TOP2A: variants seen among roughly 807,000 people sequenced by gnomAD.
The protein encoded by TOP2A is DNA topoisomerase II alpha.
A neutral mutation model predicts 187.2 loss-of-function variants in TOP2A; 68 were observed. That is an observed-to-expected ratio of 0.36 (90% confidence interval 0.30 to 0.44). TOP2A has a LOEUF of 0.44. Among genes scored for constraint, TOP2A ranks in the 20% least tolerant of loss-of-function variants. TOP2A has a pLI of 1.00. For synonymous variants in TOP2A, 542 were observed against 593.2 expected (o/e 0.91, Z 1.25); for missense variants, 1,196 against 1,808.7 (o/e 0.66, Z 6.14).
intron 20 of TOP2A, among the ~76,000 whole-genome samples, chr17:40,402,154 T>C (rs1322052833): frequency 6.6e-6 from 1 of 152,136 alleles, no homozygotes; most frequent in Non-Finnish European, 1.5e-5. Context: ...GTGACAAGGT[T>C]TTTAGCCTGA....
intron 29 of TOP2A, 142 bp downstream of exon 29, chr17:40,395,307 G>C (rs959776483): frequency 3.0e-6 from 1 of 333,450 alleles, no homozygotes; most frequent in Non-Finnish European, 5.4e-6. Context: ...AAAAAAAAGA[G>C]GTCCAAGTAG....
At chr17:40,417,658 C>T in intron 1 of TOP2A, 113 bp downstream of exon 1, 1 of 1,562,530 alleles carries the variant, frequency 6.4e-7, no homozygotes, top group Non-Finnish European at 8.7e-7. Flanking sequence ...ATATGGGCTC[C>T]CAAGCCGGTC....
intron 11 of TOP2A, 136 bp downstream of exon 11, chr17:40,408,356 G>A (rs1231128864): frequency 4.0e-6 from 4 of 988,048 alleles, no homozygotes; most frequent in Non-Finnish European, 5.7e-6. Context: ...AATAGGAAAC[G>A]GGCCGATTTT....
chr17:40,401,792 C>T (rs1324700141), intron 20 of TOP2A, among the ~76,000 whole-genome samples: 1 of 151,336 alleles, frequency 6.6e-6, no homozygotes, highest in Non-Finnish European at 1.5e-5. Context: ...GGCAAAGGAA[C>T]CAGTAAGTAA....
chr17:40,411,646 T>G lies in TOP2A; in HGVS notation c.962A>C (p.Lys321Thr). The G allele has an allele frequency of 6.2e-7, 1 of 1,606,862 alleles. No homozygotes were observed. Among genetic ancestry groups the G allele is most frequent in the South Asian group, 1.1e-5 (1 of 89,422 alleles). ...TTAATAATTTAAGAATAAAATTACC[T>G]TGGATGTAGCAATGCTGTTGACAAA... is the stretch of plus-strand genomic sequence containing the variant. ...ISFVNSIATS[K>T]GGRHVDYVAD... The change falls in exon 8 of 35, where the codon AAG becomes ACG. Residue 321 changes from lysine (K) to threonine (T), a missense_variant and splice_region_variant. Transcript: ENST00000423485. This position sits in a 1 kb window ranked among gnomAD's most constrained non-coding sequence, Gnocchi z 4.4.
chr17:40,409,330 C>G (rs188309576), intron 10 of TOP2A: 233 of 387,524 alleles, frequency 6.0e-4, no homozygotes, highest in Non-Finnish European at 2.8e-4. Context: ...GAACTGAGAT[C>G]AAGCCACGGC....
In TOP2A at chr17:40,398,891, G is replaced by T. The variant is rs745697328; in HGVS notation, c.3335C>A (p.Thr1112Asn). Residue 1112 changes from threonine (T) to asparagine (N), a missense_variant, in exon 26 of 35, where the codon ACT becomes AAT. This residue lies in a region of TOP2A where 232 missense variants were observed against 306.1 expected (regional missense o/e 0.76). Coordinates refer to ENST00000423485, the MANE Select transcript of TOP2A (RefSeq NM_001067.4). The stretch of plus-strand genomic sequence containing the variant: ...ATCTGTTACGGAGTCACTCTTTTCA[G>T]TTTCCTTTTCGTTGTCACTCTCTTC... ...ENEESDNEKE[T>N]EKSDSVTDSG... The T allele has an allele frequency of 1.2e-6, 2 of 1,613,008 alleles. No homozygotes were observed. Among genetic ancestry groups the T allele is most frequent in the African/African-American group, 2.7e-5 (2 of 74,856 alleles).
chr17:40,400,492 G>T (rs1031508267), intron 22 of TOP2A, 37 bp downstream of exon 22: 1 of 1,600,466 alleles, frequency 6.2e-7, no homozygotes, highest in Non-Finnish European at 8.5e-7. Flanking sequence ...TATTTCTTTT[G>T]ATCACAAACC....
rs61732513 is a variant in TOP2A, at chr17:40,400,650, T to C, written c.2678A>G (p.Lys893Arg). Residue 893 changes from lysine to arginine, a missense_variant, in exon 22 of 35, where the codon AAG (lysine) becomes AGG (arginine). By Grantham distance (26) the Lys-to-Arg change is conservative. Transcript: ENST00000423485. ...TTCTTCAATAGTACCCTTGAAGTTC[T>C]TGTAACTTGGAAGCTAAATTGGCAT... ...EEPLPMLPSYKNFKGTIEELA... is the reference protein window; with the variant it reads ...EEPLPMLPSYRNFKGTIEELA... 747 of 1,592,666 alleles carry C rather than the reference T, an allele frequency of 4.7e-4. 3 individuals are homozygous for C. In the African/African-American group the frequency reaches 9.5e-3, roughly 20 times the overall value.
rs1196046247 is a variant in TOP2A, at chr17:40,389,442, A to C, written c.*77T>G. The C allele has an allele frequency of 6.7e-7, 1 of 1,486,996 alleles. No individual in the cohort carries two copies. Among genetic ancestry groups the C allele is most frequent in the Non-Finnish European group, 9.0e-7 (1 of 1,107,584 alleles). The allele number at this position is 1,486,996 out of a possible 1,614,324, so 92.1% of individuals were successfully genotyped here. ...CCCCAAACTAAATTCAGAGGGGAGGAAGTTAAGAGCTTCAGGTAACTTTAA... is the reference window on the plus strand; with the variant it reads ...CCCCAAACTAAATTCAGAGGGGAGGCAGTTAAGAGCTTCAGGTAACTTTAA... On this transcript the variant is annotated 3_prime_UTR_variant, in exon 35 of 35. Transcript: ENST00000423485.
chr17:40,408,337 A>G (rs28362320), intron 11 of TOP2A, among the ~76,000 whole-genome samples, 155 bp downstream of exon 11: 5,667 of 152,282 alleles, frequency 0.037, 170 homozygotes, highest in African/African-American at 0.077. Context: ...AATGACCTAA[A>G]TCTTCCATAA....
In TOP2A at chr17:40,388,682, T is replaced by C. The variant is rs2034987650; in HGVS notation, c.*837A>G. 5.3e-6 allele frequency: 1 copy of C among 187,296 alleles called. No homozygotes were observed. The highest frequency in any genetic ancestry group is 1.1e-5 in the Non-Finnish European group (1 of 88,764). The allele number at this position is 187,296 out of a possible 1,614,324, so 11.6% of individuals were successfully genotyped here. ...TAACAAAGTTTACAAATTGAAATTA[T>C]GGAGATTTCCCAAAATGAATCTAAT... On this transcript the variant is annotated 3_prime_UTR_variant, in exon 35 of 35. Coordinates refer to ENST00000423485, the MANE Select transcript of TOP2A (RefSeq NM_001067.4).
At chr17:40,394,476 G>C (rs1356561424) in intron 29 of TOP2A, among the ~76,000 whole-genome samples, 1 of 152,144 alleles carries the variant, frequency 6.6e-6, no homozygotes, top group African/African-American at 2.4e-5. Context: ...GGGACTACAG[G>C]CACGCACCAC....
Position 40,398,540 on chromosome 17 carries a change from G to A in TOP2A, c.3537+18C>T, listed in dbSNP as rs374086319. ...TTCATTAATAAAAATTCTAACATGG[G>A]CATTATAAACTACATACCTCCAATT... On this transcript the variant is annotated intron_variant, in intron 27 of 34. Coordinates refer to ENST00000423485, the MANE Select transcript of TOP2A (RefSeq NM_001067.4). 6.5e-7 allele frequency: 1 copy of A among 1,541,066 alleles called. No individual in the cohort carries two copies. The highest frequency in any genetic ancestry group is 2.4e-5 in the East Asian group (1 of 42,184).
intron 3 of TOP2A, 77 bp from the exon 4 acceptor site, chr17:40,416,145 A>T: frequency 5.0e-6 from 6 of 1,195,476 alleles, no homozygotes; most frequent in Non-Finnish European, 1.2e-6. Context: ...TAAGATATAG[A>T]AAAAAAAGTT....
chr17:40,409,667 C>G (rs1011812991), intron 10 of TOP2A: 37 of 230,604 alleles, frequency 1.6e-4, no homozygotes, highest in Non-Finnish European at 2.8e-4. Flanking sequence ...GCTGGAGAAT[C>G]CCAGCTACTC....
intron 20 of TOP2A, 41 bp from the exon 21 acceptor site, chr17:40,401,122 T>C (rs1167450644): frequency 3.9e-6 from 6 of 1,533,668 alleles, no homozygotes; most frequent in African/African-American, 1.4e-5. Context: ...ACAAAAATAC[T>C]GAATTTCACA....
At chr17:40,396,900 G>GTT (rs535683283) in intron 27 of TOP2A, among the ~76,000 whole-genome samples, 59 of 135,174 alleles carry the variant, frequency 4.4e-4, no homozygotes, top group African/African-American at 1.3e-3. Context: ...TTTTTTTTTT[G>GTT]TTTTTTTTTT....
chr17:40,402,692 C>A (rs2035196218), intron 20 of TOP2A, among the ~76,000 whole-genome samples: 2 of 152,176 alleles, frequency 1.3e-5, no homozygotes, highest in South Asian at 2.1e-4. Flanking sequence ...CAGTCCCAAG[C>A]TCTACATCAG....
Sources: allele counts gnomAD v4.1 joint callset (sites outside exome capture counted in the v4.1 genomes callset), GRCh38; gene constraint gnomAD v4.1.1; regional missense constraint gnomAD v4.1.1; non-coding constraint Gnocchi (gnomAD v3.1); transcripts MANE v1.5; gene names NCBI Gene and HGNC (gene_info 2026-07-23, HGNC 2026-07-21).